The following ARHGEF19 variants were observed in gnomAD, a reference collection of about 807,000 sequenced individuals.
ARHGEF19 encodes the protein Rho guanine nucleotide exchange factor 19.
In ARHGEF19, 92 loss-of-function variants were observed where a neutral mutation model predicts 87.6. The observed-to-expected ratio is 1.05, with a 90% CI of 0.89 to 1.25. The LOEUF (loss-of-function observed/expected upper bound fraction) is 1.25, where lower values mean the gene tolerates loss of function less well. Ranked by LOEUF, ARHGEF19 falls within the 50% of genes most tolerant of loss-of-function variation. ARHGEF19 has a pLI of 0.00. For synonymous variants in ARHGEF19, 438 were observed against 446.2 expected (o/e 0.98, Z 0.23); for missense variants, 1,054 against 1,051.8 (o/e 1.00, Z -0.03).
chr1:16,204,796 G>A lies in ARHGEF19; in HGVS notation c.1870C>T (p.Leu624Phe). ...KLSSKAVYLHLFNDCLLLSRR... is the reference protein window; with the variant it reads ...KLSSKAVYLHFFNDCLLLSRR... ...GAGAGCAGCAAGCAGTCATTGAAGA[G>A]GTGGAGGTAGACTGCCTTGCTGGAC... Residue 624 changes from leucine to phenylalanine, a missense_variant, in exon 12 of 16, where the codon CTC becomes TTC. By Grantham distance (22) the Leu-to-Phe change is conservative (BLOSUM62 0). Transcript: ENST00000270747. The A allele has an allele frequency of 6.2e-7, 1 of 1,613,132 alleles. No homozygotes were observed. The highest frequency in any genetic ancestry group is 8.5e-7 in the Non-Finnish European group (1 of 1,179,378).
Position 16,208,971 on chromosome 1 carries a change from C to T in ARHGEF19, c.84G>A (p.Gln28=), listed in dbSNP as rs374975968. The change falls in exon 2 of 16, where the codon CAG becomes CAA. Residue 28 remains glutamine, a synonymous_variant. Coordinates refer to ENST00000270747, the MANE Select transcript of ARHGEF19 (RefSeq NM_153213.5). ...GCTCTGCAAAGGACAGACTCTCCTG[C>T]TGGCACACTGCTACAGGGTGGTGGG... ...GTAHHPVAVC[Q]QESLSFAELP... is the part of the protein sequence containing the mutation. 811 of 1,552,634 alleles carry T rather than the reference C, an allele frequency of 5.2e-4. 8 individuals carry two copies. The Admixed American group carries it at 0.016, about 31-fold the overall frequency.
chr1:16,210,524 G>A (rs2081189490), intron 1 of ARHGEF19, among the ~76,000 whole-genome samples: 1 of 152,240 alleles, frequency 6.6e-6, no homozygotes, highest in Admixed American at 6.5e-5. Context: ...CACAGATGCT[G>A]AGACATTCAG....
chr1:16,211,801 C>G (rs187525252), intron 1 of ARHGEF19, among the ~76,000 whole-genome samples: 5 of 152,204 alleles, frequency 3.3e-5, no homozygotes, highest in Non-Finnish European at 5.9e-5. Context: ...ACAAAAACCT[C>G]AGAAAGAGAA....
At chr1:16,202,301 C>G in intron 13 of ARHGEF19, 115 bp downstream of exon 13, 3 of 1,412,258 alleles carry the variant, frequency 2.1e-6, no homozygotes, top group Non-Finnish European at 2.9e-6. Flanking sequence ...TGGGGAGGAA[C>G]AAGGCCAGGA....
At chr1:16,209,932 A>T (rs539747909) in intron 1 of ARHGEF19, among the ~76,000 whole-genome samples, 22 of 152,246 alleles carry the variant, frequency 1.4e-4, no homozygotes, top group Admixed American at 7.2e-4. Flanking sequence ...GTGCCCCAGC[A>T]CCCCCGGCTT....
Position 16,208,121 on chromosome 1 carries a change from T to G in ARHGEF19, c.517A>C (p.Thr173Pro). 1 of 1,613,384 alleles carries G rather than the reference T, an allele frequency of 6.2e-7. No homozygotes were observed. Among genetic ancestry groups the G allele is most frequent in the Non-Finnish European group, 8.5e-7 (1 of 1,179,426 alleles). ...GQVVQEQALS[T>P]EEPRVELSGS... ...GACAACTCCACCCTGGGCTCCTCTG[T>G]GCTCAGGGCCTGCTCTTGCACTACC... Residue 173 changes from threonine to proline, a missense_variant, in exon 3 of 16, where the codon ACA becomes CCA. Coordinates refer to ENST00000270747, the MANE Select transcript of ARHGEF19 (RefSeq NM_153213.5).
At chr1:16,202,937 C>A (rs1330691597) in intron 12 of ARHGEF19, among the ~76,000 whole-genome samples, 1 of 152,018 alleles carries the variant, frequency 6.6e-6, no homozygotes, top group East Asian at 1.9e-4. Flanking sequence ...AGTGCAGTGG[C>A]ATGATCTCGG....
Position 16,205,270 on chromosome 1 carries a change from A to G in ARHGEF19, c.1656+81T>C. On this transcript the variant is annotated intron_variant, in intron 10 of 15. Coordinates refer to ENST00000270747, the MANE Select transcript of ARHGEF19 (RefSeq NM_153213.5). The surrounding 1 kb of genome is among the most constrained non-coding windows in gnomAD (Gnocchi z 5.8). ...TTGCCTGGGGACCGGAGACTCTGAC[A>G]GCTGGGGGCTGTTTTAGAGACGTGC... 1.2e-6 allele frequency: 2 copies of G among 1,606,534 alleles called. No individual in the cohort carries two copies. The highest frequency in any genetic ancestry group is 8.5e-7 in the Non-Finnish European group (1 of 1,174,564).
chr1:16,205,938 G>T lies in ARHGEF19; in HGVS notation c.1444C>A (p.Arg482Ser). The T allele has an allele frequency of 6.2e-7, 1 of 1,608,242 alleles. No homozygotes were observed. Among genetic ancestry groups the T allele is most frequent in the Non-Finnish European group, 8.5e-7 (1 of 1,177,488 alleles). Residue 482 changes from arginine to serine, a missense_variant, in exon 8 of 16, where the codon CGC (arginine) becomes AGC (serine). Transcript: ENST00000270747. This position sits in a 1 kb window ranked among gnomAD's most constrained non-coding sequence, Gnocchi z 5.8. ...CAGAGCCCCCAGCCCTACAGCAGGC[G>T]CTGGTAGGTGCGCTCCTGGTAGGCC... ...NQAYQERTYQ[R>S]LLLENPRFPG... is the part of the protein sequence containing the mutation.
intron 14 of ARHGEF19, among the ~76,000 whole-genome samples, chr1:16,201,148 G>C (rs139757648): frequency 1.3e-5 from 2 of 152,076 alleles, no homozygotes; most frequent in Non-Finnish European, 2.9e-5. Context: ...CTTGAGCCCA[G>C]GAGGTTGAGA....
chr1:16,201,800 C>A lies in ARHGEF19; in HGVS notation c.2128G>T (p.Val710Phe). 2 of 1,613,804 alleles carry A rather than the reference C, an allele frequency of 1.2e-6. No homozygotes were observed. Among genetic ancestry groups the A allele is most frequent in the Non-Finnish European group, 1.7e-6 (2 of 1,179,810 alleles). The change falls in exon 14 of 16, where the codon GTC becomes TTC. Residue 710 changes from valine (V) to phenylalanine (F), a missense_variant. Physicochemically the swap from Val to Phe is conservative, Grantham distance 50. Coordinates refer to ENST00000270747, the MANE Select transcript of ARHGEF19 (RefSeq NM_153213.5). ...CPSSPQEDKE[V>F]ISEGEDCPQV... Reference sequence around the variant, plus strand: ...CTACTACCTTCCCCCTCACTGATGACCTCCTTGTCCTCCTGGGGGCTGGAG... The same window carrying A: ...CTACTACCTTCCCCCTCACTGATGAACTCCTTGTCCTCCTGGGGGCTGGAG...
intron 14 of ARHGEF19, among the ~76,000 whole-genome samples, chr1:16,199,616 G>A (rs369057441): frequency 2.6e-5 from 4 of 151,854 alleles, no homozygotes; most frequent in African/African-American, 7.3e-5. Flanking sequence ...AAACAGTAAC[G>A]GCCCTGCAAT....
In ARHGEF19 at chr1:16,198,876, C is replaced by A. The variant is rs182947742; in HGVS notation, c.2252-132G>T. 1.7e-6 allele frequency: 2 copies of A among 1,210,428 alleles called. No individual in the cohort carries two copies. The highest frequency in any genetic ancestry group is 1.6e-5 in the South Asian group (1 of 64,470). 75.0% of individuals were successfully genotyped at this position (1,210,428 alleles called of 1,614,324 possible). On this transcript the variant is annotated intron_variant, in intron 15 of 15. Coordinates refer to ENST00000270747, the MANE Select transcript of ARHGEF19 (RefSeq NM_153213.5). The surrounding 1 kb of genome is among the most constrained non-coding windows in gnomAD (Gnocchi z 4.1). ...AAGGTGACATCATCTCAGCATCTCT[C>A]AGCTCCAGGAAGGACCCTGTCTTGA...
chr1:16,208,275 C>A, intron 2 of ARHGEF19, 50 bp from the exon 3 acceptor site: 1 of 1,572,590 alleles, frequency 6.4e-7, no homozygotes, highest in Non-Finnish European at 8.6e-7. Flanking sequence ...CTCCCCCAAC[C>A]TCCTCCCTGC....
Position 16,207,199 on chromosome 1 carries a change from G to A in ARHGEF19, c.886C>T (p.Gln296Ter), listed in dbSNP as rs750977155. Residue 296 changes from glutamine to a stop codon, truncating the protein, a stop_gained, in exon 6 of 16, where the codon CAG becomes TAG. Coordinates refer to ENST00000270747, the MANE Select transcript of ARHGEF19 (RefSeq NM_153213.5). LOFTEE classifies it high-confidence loss of function. This position sits in a 1 kb window ranked among gnomAD's most constrained non-coding sequence, Gnocchi z 4.0. ...GCGCTGGCCACGTCGCTGTATTCCT[G>A]ATAGAGGACGGCTGGGGGAAAGACG... ...SRFLLNSVLY[Q>*]EYSDVASARE... 1.3e-6 allele frequency: 2 copies of A among 1,528,266 alleles called. No individual in the cohort carries two copies. The highest frequency in any genetic ancestry group is 2.4e-5 in the South Asian group (2 of 82,052). 94.7% of individuals were successfully genotyped at this position (1,528,266 alleles called of 1,614,324 possible). A position where few individuals can be genotyped will look rare whatever the true frequency, so the allele number is the denominator to read the frequency against.
In ARHGEF19 at chr1:16,206,291, G is replaced by A. The variant is rs771398924; in HGVS notation, c.1187C>T (p.Ser396Leu). 1.3e-6 allele frequency: 2 copies of A among 1,583,592 alleles called. No homozygotes were observed. The highest frequency in any genetic ancestry group is 1.7e-6 in the Non-Finnish European group (2 of 1,165,502). The change falls in exon 7 of 16, where the codon TCG (serine) becomes TTG (leucine). Residue 396 changes from serine to leucine, a missense_variant. Ser to Leu is a moderately radical substitution (Grantham distance 145). Transcript: ENST00000270747. The surrounding 1 kb of genome is among the most constrained non-coding windows in gnomAD (Gnocchi z 4.6). Reference protein sequence around the residue: ...TSEASYIHSLSVAVGHFLGSA... With the variant: ...TSEASYIHSLLVAVGHFLGSA... ...GCCTAAGAAGTGGCCCACAGCCACC[G>A]ACAGGCTGTGGATGTAGGAGGCCTC...
intron 1 of ARHGEF19, among the ~76,000 whole-genome samples, chr1:16,209,379 T>C (rs2081177165): frequency 6.6e-6 from 1 of 152,192 alleles, no homozygotes; most frequent in Non-Finnish European, 1.5e-5. Context: ...GGTTATTTGG[T>C]AAATGGTGGA....
Position 16,206,995 on chromosome 1 carries a change from T to G in ARHGEF19, c.1090A>C (p.Ser364Arg), listed in dbSNP as rs1376475417. 1.3e-6 allele frequency: 2 copies of G among 1,516,424 alleles called. No homozygotes were observed. The highest frequency in any genetic ancestry group is 4.2e-5 in the Admixed American group (2 of 47,588). 93.9% of individuals were successfully genotyped at this position (1,516,424 alleles called of 1,614,324 possible). Reference sequence around the variant, plus strand: ...AGGCTCAGCGTGGCCAGGACGCCGCTGCCGCGTACGTCGGGGATATCCTGC... The same window carrying G: ...AGGCTCAGCGTGGCCAGGACGCCGCGGCCGCGTACGTCGGGGATATCCTGC... ...LWQDIPDVRG[S>R]GVLATLSLRD... Residue 364 changes from serine to arginine, a missense_variant, in exon 6 of 16, where the codon AGC becomes CGC. Transcript: ENST00000270747. This position sits in a 1 kb window ranked among gnomAD's most constrained non-coding sequence, Gnocchi z 4.6.
intron 2 of ARHGEF19, 69 bp from the exon 3 acceptor site, chr1:16,208,294 C>T (rs2081165290): frequency 2.0e-6 from 3 of 1,529,364 alleles, no homozygotes; most frequent in Non-Finnish European, 1.8e-6. Context: ...GCTGCTGCCC[C>T]TGGCCCTGAG....
Sources: gnomAD v4.1 joint callset for allele counts (sites outside exome capture counted in the v4.1 genomes callset) on GRCh38, gnomAD v4.1.1 for gene constraint, Gnocchi (gnomAD v3.1) non-coding constraint, MANE v1.5 for transcripts, NCBI Gene and HGNC (gene_info 2026-07-23, HGNC 2026-07-21) for gene names.